ARB2A: variants seen among roughly 807,000 people sequenced by gnomAD.
ARB2A encodes the protein ARB2 cotranscriptional regulator A.
chr5:93,938,552 T>C, the ARB2A span, among the ~76,000 whole-genome samples: 1 of 152,192 alleles, frequency 6.6e-6, no homozygotes, highest in Non-Finnish European at 1.5e-5. Flanking sequence ...TTGCCTTGGA[T>C]AAGCAAGCAT....
chr5:93,636,411 G>T, the ARB2A span, among the ~76,000 whole-genome samples: 1 of 152,178 alleles, frequency 6.6e-6, no homozygotes, highest in Non-Finnish European at 1.5e-5. Context: ...TTTGGGAGGT[G>T]ATTAAGATAT....
chr5:93,670,645 G>C, the ARB2A span, among the ~76,000 whole-genome samples: 1 of 152,082 alleles, frequency 6.6e-6, no homozygotes, highest in Non-Finnish European at 1.5e-5. Context: ...ATTCACATAG[G>C]AACAATTAAA....
chr5:94,027,914 T>A, the ARB2A span, among the ~76,000 whole-genome samples: 2 of 152,098 alleles, frequency 1.3e-5, no homozygotes, highest in Non-Finnish European at 2.9e-5. Flanking sequence ...TTTCAGAGGC[T>A]ATCTCCAGGT....
the ARB2A span, among the ~76,000 whole-genome samples, chr5:93,965,983 A>C: frequency 6.6e-6 from 1 of 152,060 alleles, no homozygotes; most frequent in Non-Finnish European, 1.5e-5. Flanking sequence ...AGGTAATAAA[A>C]TGCTAGTTAT....
At chr5:93,742,827 C>G in the ARB2A span, among the ~76,000 whole-genome samples, 1 of 152,230 alleles carries the variant, frequency 6.6e-6, no homozygotes, top group Non-Finnish European at 1.5e-5. Context: ...ATCTGTATTT[C>G]AGTTCTGACT....
chr5:93,692,448 A>AG, the ARB2A span, among the ~76,000 whole-genome samples: 7 of 152,346 alleles, frequency 4.6e-5, no homozygotes, highest in East Asian at 1.2e-3. Context: ...AAAGAGACAA[A>AG]AAAGGGCATT....
chr5:93,830,393 G>A, the ARB2A span, among the ~76,000 whole-genome samples: 15 of 145,330 alleles, frequency 1.0e-4, no homozygotes, highest in African/African-American at 1.3e-4. Flanking sequence ...TAAGCTCTGC[G>A]CTGGAAGTGT....
At chr5:93,947,817 T>G in the ARB2A span, among the ~76,000 whole-genome samples, 1 of 151,428 alleles carries the variant, frequency 6.6e-6, no homozygotes, top group African/African-American at 2.4e-5. Flanking sequence ...ATTTCCAATT[T>G]CATCCACGTC....
the ARB2A span, among the ~76,000 whole-genome samples, chr5:93,983,338 C>G: frequency 6.6e-6 from 1 of 151,726 alleles, no homozygotes; most frequent in Middle Eastern, 3.4e-3. Context: ...ATTTTTTGTA[C>G]CAAAAATTAA....
the ARB2A span, among the ~76,000 whole-genome samples, chr5:93,666,740 CT>C: frequency 6.6e-6 from 1 of 152,136 alleles, no homozygotes; most frequent in Non-Finnish European, 1.5e-5. Context: ...CCTGGAATAC[CT>C]ACCTGCCTAC....
the ARB2A span, among the ~76,000 whole-genome samples, chr5:93,995,960 G>T: frequency 1.3e-5 from 2 of 152,072 alleles, no homozygotes; most frequent in African/African-American, 4.8e-5. Flanking sequence ...ACAAAATATG[G>T]CCCTTCTTCA....
the ARB2A span, among the ~76,000 whole-genome samples, chr5:93,910,121 T>C: frequency 6.6e-6 from 1 of 151,086 alleles, no homozygotes; most frequent in Admixed American, 6.6e-5. Context: ...ATTTATTATA[T>C]ATTTATCACA....
the ARB2A span, among the ~76,000 whole-genome samples, chr5:93,978,452 C>T: frequency 6.6e-6 from 1 of 152,114 alleles, no homozygotes; most frequent in Non-Finnish European, 1.5e-5. Context: ...AGAATGAAAT[C>T]ATGTCCTTTG....
the ARB2A span, among the ~76,000 whole-genome samples, chr5:93,954,516 C>G: frequency 1.3e-5 from 2 of 151,888 alleles, no homozygotes; most frequent in Non-Finnish European, 2.9e-5. Context: ...TCTTCTTTAC[C>G]TTTCCCTCTT....
chr5:94,003,479 A>G, the ARB2A span, among the ~76,000 whole-genome samples: 3 of 152,290 alleles, frequency 2.0e-5, no homozygotes, highest in Non-Finnish European at 4.4e-5. Flanking sequence ...AAGGAAAAAA[A>G]TAAAATCCTG....
the ARB2A span, among the ~76,000 whole-genome samples, chr5:93,992,278 G>A: frequency 3.3e-5 from 5 of 151,986 alleles, no homozygotes; most frequent in African/African-American, 1.2e-4. Flanking sequence ...AGTTCTTTAA[G>A]CTAAAGAAAA....
At chr5:93,741,364 G>A in the ARB2A span, 2 of 1,611,390 alleles carry the variant, frequency 1.2e-6, no homozygotes, top group Non-Finnish European at 1.7e-6. Flanking sequence ...GTGTGGCAGG[G>A]GACCCAGGGG....
At chr5:93,695,010 C>A in the ARB2A span, among the ~76,000 whole-genome samples, 1 of 152,204 alleles carries the variant, frequency 6.6e-6, no homozygotes, top group East Asian at 1.9e-4. Flanking sequence ...AACTGGACCC[C>A]TTCCTTACAC....
chr5:94,106,530 A>G, the ARB2A span, among the ~76,000 whole-genome samples: 2 of 152,066 alleles, frequency 1.3e-5, no homozygotes, highest in Admixed American at 1.3e-4. Context: ...GGTGGGGGGA[A>G]TGTAAATTTC....
Sources: allele counts gnomAD v4.1 joint callset (sites outside exome capture counted in the v4.1 genomes callset), GRCh38; gene constraint gnomAD v4.1.1; transcripts MANE v1.5; gene names NCBI Gene and HGNC (gene_info 2026-07-23, HGNC 2026-07-21).